Variants in HECW1 observed in about 807,000 individuals in gnomAD.
HECW1 encodes the protein HECT, C2 and WW domain containing E3 ubiquitin protein ligase 1.
HECW1 carries 61 observed loss-of-function variants against 182.3 expected under a neutral mutation model. The observed-to-expected ratio is 0.33, with a 90% confidence interval of 0.27 to 0.41. The LOEUF is 0.41. HECW1 is among the 10% of genes least tolerant of loss of function. The pLI is 1.00. For synonymous variants in HECW1, 859 were observed against 832.6 expected, an observed-to-expected ratio of 1.03 and a Z score of -0.55; for missense variants, 1,739 against 2,108.9, an observed-to-expected ratio of 0.82 and a Z score of 3.44.
intron 24 of HECW1, among the ~76,000 whole-genome samples, chr7:43,525,444 A>G (rs1360299224): frequency 6.6e-6 from 1 of 152,214 alleles, no homozygotes; most frequent in African/African-American, 2.4e-5. Flanking sequence ...GCCCAGTTTC[A>G]TGAGAGGAGG....
intron 2 of HECW1, among the ~76,000 whole-genome samples, chr7:43,220,366 C>T (rs923829218): frequency 2.0e-5 from 3 of 152,190 alleles, no homozygotes; most frequent in African/African-American, 4.8e-5. Flanking sequence ...TGAGTCTTCA[C>T]GTCCAGAGTT....
At position 43,320,730 on chromosome 7, in the gene HECW1, T is replaced by A. The variant is rs1364014652; in HGVS notation, c.448T>A (p.Tyr150Asn). 1 of 1,613,236 alleles carries A rather than the reference T, an allele frequency of 6.2e-7. No individual in the cohort carries two copies. The highest frequency in any genetic ancestry group is 8.5e-7 in the Non-Finnish European group (1 of 1,179,140). ...QIIWKIDASS[Y>N]FVEPETKICF... Reference sequence around the variant, plus strand: ...CATCTGGAAGATCGATGCCAGCTCGTACTTTGTGGAACGTGAGTACCTTTA... The same window carrying A: ...CATCTGGAAGATCGATGCCAGCTCGAACTTTGTGGAACGTGAGTACCTTTA... Residue 150 changes from tyrosine (Y) to asparagine (N), a missense_variant, in exon 5 of 30, where the codon TAC (tyrosine) becomes AAC (asparagine). Physicochemically the swap from Tyr to Asn is moderately radical, Grantham distance 143. Transcript: ENST00000395891.
intron 2 of HECW1, among the ~76,000 whole-genome samples, chr7:43,231,420 C>T (rs540139747): frequency 6.6e-6 from 1 of 152,330 alleles, no homozygotes; most frequent in African/African-American, 2.4e-5. Context: ...CCATTAAAAT[C>T]ATGTTCCACC....
chr7:43,409,763 G>T (rs1436531415), intron 8 of HECW1, among the ~76,000 whole-genome samples: 3 of 152,178 alleles, frequency 2.0e-5, no homozygotes, highest in Admixed American at 6.5e-5. Context: ...ACTGGCTAAA[G>T]GAGATTTGAA....
At chr7:43,561,565 A>G (rs140310383) in intron 29 of HECW1, among the ~76,000 whole-genome samples, 234 of 152,364 alleles carry the variant, frequency 1.5e-3, no homozygotes, top group African/African-American at 5.1e-3. Context: ...TCAGTTTGCT[A>G]GTGTCATTCT....
chr7:43,374,691 T>G lies in HECW1; in HGVS notation c.555+13711T>G, dbSNP rs1207981770. Among the ~76,000 whole-genome samples the G allele has an allele frequency of 5.0e-5, 3 of 59,998 alleles. 1 individual carries two copies. The highest frequency in any genetic ancestry group is 8.6e-5 in the Non-Finnish European group (3 of 34,704). 39.4% of individuals were successfully genotyped at this position (59,998 alleles called of 152,430 possible). A position where few individuals can be genotyped will look rare whatever the true frequency, so the allele number is the denominator to read the frequency against. On this transcript the variant is annotated intron_variant, in intron 6 of 29. Transcript: ENST00000395891. ...TGGGAAGCTGAGGCAGGAGAATGGC[T>G]TGAACCCGGGAGGCGGAGCTTGCAG... is the stretch of plus-strand genomic sequence containing the variant.
At chr7:43,467,293 T>C (rs2077819399) in intron 15 of HECW1, among the ~76,000 whole-genome samples, 1 of 151,878 alleles carries the variant, frequency 6.6e-6, no homozygotes, top group African/African-American at 2.4e-5. Context: ...GGGAGCATTC[T>C]TGGGGAGGCG....
chr7:43,320,446 C>T (rs1308975064), intron 4 of HECW1, among the ~76,000 whole-genome samples, 189 bp from the exon 5 acceptor site: 1 of 152,158 alleles, frequency 6.6e-6, no homozygotes, highest in African/African-American at 2.4e-5. Context: ...GAGGCGATCC[C>T]GGCATAAAAA....
At chr7:43,488,448 G>GAA (rs1284209767) in intron 17 of HECW1, among the ~76,000 whole-genome samples, 1 of 134,894 alleles carries the variant, frequency 7.4e-6, no homozygotes, top group African/African-American at 3.0e-5. Flanking sequence ...AAGAAAGAAA[G>GAA]AAAGAAAGAA....
At chr7:43,448,572 G>A (rs2077135677) in intron 11 of HECW1, among the ~76,000 whole-genome samples, 1 of 152,166 alleles carries the variant, frequency 6.6e-6, no homozygotes, top group South Asian at 2.1e-4. Flanking sequence ...TACTACAAAA[G>A]CACTCTGCTT....
chr7:43,223,298 T>C (rs570634312), intron 2 of HECW1, among the ~76,000 whole-genome samples: 39 of 152,280 alleles, frequency 2.6e-4, no homozygotes, highest in African/African-American at 9.4e-4. Flanking sequence ...CTCTTGGTCA[T>C]CTTCAGTATA....
chr7:43,424,843 G>A (rs2076304718), intron 8 of HECW1, among the ~76,000 whole-genome samples: 1 of 151,966 alleles, frequency 6.6e-6, no homozygotes, highest in Non-Finnish European at 1.5e-5. Context: ...CACATTTTCT[G>A]GGATTTTTTT....
intron 10 of HECW1, among the ~76,000 whole-genome samples, chr7:43,443,862 C>T (rs2076962871): frequency 6.6e-6 from 1 of 152,198 alleles, no homozygotes; most frequent in African/African-American, 2.4e-5. Context: ...ATAAATAACA[C>T]CACTACTACC....
At chr7:43,510,687 A>C (rs2079819486) in intron 24 of HECW1, among the ~76,000 whole-genome samples, 1 of 152,300 alleles carries the variant, frequency 6.6e-6, no homozygotes, top group Admixed American at 6.5e-5. Flanking sequence ...ACTCTGTCCA[A>C]GTTAGGGGGT....
intron 2 of HECW1, among the ~76,000 whole-genome samples, chr7:43,123,445 CT>C (rs1248057452): frequency 6.6e-6 from 1 of 152,300 alleles, no homozygotes; most frequent in East Asian, 1.9e-4. Context: ...ACATGCTCTC[CT>C]GTGACCCTGC....
intron 2 of HECW1, among the ~76,000 whole-genome samples, chr7:43,186,854 C>T (rs970972069): frequency 2.0e-5 from 3 of 152,160 alleles, no homozygotes; most frequent in Admixed American, 2.0e-4. Context: ...ATAATACAGC[C>T]TAGGTGTGTC....
chr7:43,505,284 C>T (rs578026629), intron 21 of HECW1, among the ~76,000 whole-genome samples: 1 of 152,348 alleles, frequency 6.6e-6, no homozygotes, highest in African/African-American at 2.4e-5. Flanking sequence ...CACCTCTCCT[C>T]CACTACCTGT....
At chr7:43,233,908 C>CAG (rs1015531937) in intron 2 of HECW1, among the ~76,000 whole-genome samples, 1 of 152,042 alleles carries the variant, frequency 6.6e-6, no homozygotes, top group African/African-American at 2.4e-5. Context: ...AAGGCAGATT[C>CAG]AGAGAGAGAG....
At chr7:43,171,042 C>G (rs1791634263) in intron 2 of HECW1, among the ~76,000 whole-genome samples, 1 of 152,150 alleles carries the variant, frequency 6.6e-6, no homozygotes. Flanking sequence ...TCAACAGGGG[C>G]ACACTGTGGT....
Sources: allele counts gnomAD v4.1 joint callset (sites outside exome capture counted in the v4.1 genomes callset), GRCh38; gene constraint gnomAD v4.1.1; transcripts MANE v1.5; gene names NCBI Gene and HGNC (gene_info 2026-07-23, HGNC 2026-07-21).